AFF3: variants seen among roughly 807,000 people sequenced by gnomAD.
The protein encoded by AFF3 is ALF transcription elongation factor 3.
A neutral mutation model predicts 129.7 loss-of-function variants in AFF3; 32 were observed. That is an observed-to-expected ratio of 0.25 (90% CI 0.19 to 0.33). AFF3 has a LOEUF of 0.33. Among genes scored for constraint, AFF3 ranks in the 10% least tolerant of loss-of-function variants. The probability of loss-of-function intolerance (pLI) is 1.00; values close to 1 mark genes in which losing one functional copy is unlikely to be tolerated. For synonymous variants in AFF3, 644 were observed against 635.4 expected (o/e 1.01, Z -0.20); for missense variants, 1,373 against 1,592.0 (o/e 0.86, Z 2.34).
intron 4 of AFF3, among the ~76,000 whole-genome samples, chr2:100,052,163 T>C (rs6760359): frequency 0.013 from 1,961 of 152,318 alleles, 49 homozygotes; most frequent in African/African-American, 0.045. Context: ...AGTTCATGTA[T>C]GAATTAAATT....
Position 99,593,673 on chromosome 2 carries a change from T to A in AFF3, c.1988A>T (p.Lys663Met). The stretch of plus-strand genomic sequence containing the variant: ...TGACGACTCTGTCTCAATGAACTCC[T>A]TGGATTTGGGGACGATCCTGCTTAG... ...RGLSRIVPKSKEFIETESSSS... is the reference protein window; with the variant it reads ...RGLSRIVPKSMEFIETESSSS... The change falls in exon 15 of 25, where the codon AAG becomes ATG. Residue 663 changes from lysine (K) to methionine (M), a missense_variant. This residue lies in a region of AFF3 where 466 missense variants were observed against 505.0 expected (regional missense o/e 0.92). Transcript: ENST00000672756. The A allele has an allele frequency of 6.2e-7, 1 of 1,605,494 alleles. No individual in the cohort carries two copies. The highest frequency in any genetic ancestry group is 8.5e-7 in the Non-Finnish European group (1 of 1,174,060).
At chr2:99,955,146 G>C (rs1207201053) in intron 7 of AFF3, among the ~76,000 whole-genome samples, 3 of 152,112 alleles carry the variant, frequency 2.0e-5, no homozygotes, top group African/African-American at 4.8e-5. Flanking sequence ...CTGTAGGGAA[G>C]TATAGTGTTT....
At chr2:99,933,880 G>C (rs944135994) in intron 7 of AFF3, among the ~76,000 whole-genome samples, 1 of 152,144 alleles carries the variant, frequency 6.6e-6, no homozygotes, top group East Asian at 1.9e-4. Flanking sequence ...ATGGTGTCCG[G>C]AGGTAGTTAA....
In AFF3 at chr2:99,660,625, C is replaced by T. The variant is rs745457548; in HGVS notation, c.1144-10959G>A. 8.5e-5 allele frequency among the ~76,000 whole-genome samples: 13 copies of T among 152,304 alleles called. No homozygotes were observed. The South Asian group carries it at 1.0e-3, about 12-fold the overall frequency. On this transcript the variant is annotated intron_variant, in intron 12 of 24. Transcript: ENST00000672756. Reference sequence around the variant, plus strand: ...TTTGAAATGCCTTGAACTTTAAGAACAAATCCAGGTTGAAAGAAGAGGTAC... The same window carrying T: ...TTTGAAATGCCTTGAACTTTAAGAATAAATCCAGGTTGAAAGAAGAGGTAC...
intron 10 of AFF3, among the ~76,000 whole-genome samples, chr2:99,734,487 A>G (rs1212016269): frequency 6.6e-6 from 1 of 152,132 alleles, no homozygotes; most frequent in Non-Finnish European, 1.5e-5. Flanking sequence ...TCAACACTAA[A>G]TAGGATTCTT....
intron 8 of AFF3, among the ~76,000 whole-genome samples, chr2:99,811,633 C>T (rs776937148): frequency 1.3e-4 from 20 of 152,306 alleles, no homozygotes; most frequent in East Asian, 1.9e-4. Context: ...ATAAAGTATG[C>T]CCCTTGCAGA....
intron 11 of AFF3, among the ~76,000 whole-genome samples, chr2:99,718,220 A>G (rs1399960845): frequency 6.6e-6 from 1 of 152,180 alleles, no homozygotes; most frequent in Non-Finnish European, 1.5e-5. Flanking sequence ...AGGTCTTTTG[A>G]TCAAGATTGT....
chr2:99,808,619 T>C (rs974870510), intron 8 of AFF3, among the ~76,000 whole-genome samples: 5 of 151,674 alleles, frequency 3.3e-5, no homozygotes, highest in Admixed American at 1.3e-4. Flanking sequence ...GCAGAATCAA[T>C]AACAAGGCTT....
intron 7 of AFF3, among the ~76,000 whole-genome samples, chr2:99,995,110 G>C (rs914869436): frequency 3.3e-5 from 5 of 152,180 alleles, no homozygotes; most frequent in African/African-American, 1.2e-4. Context: ...TGGAGCAGGT[G>C]GGGGAAGTGG....
intron 3 of AFF3, chr2:100,104,764 TC>T: frequency 1.3e-6 from 1 of 781,418 alleles, no homozygotes; most frequent in East Asian, 2.4e-4. Context: ...CCGCCCCTCC[TC>T]CCCTCCCTCG....
chr2:99,633,086 G>A (rs970357179), intron 13 of AFF3, among the ~76,000 whole-genome samples: 6 of 151,868 alleles, frequency 4.0e-5, no homozygotes, highest in African/African-American at 1.5e-4. Flanking sequence ...TGTTTTACAC[G>A]CCTCTTTCCC....
intron 7 of AFF3, among the ~76,000 whole-genome samples, chr2:99,851,737 T>A (rs915581280): frequency 6.6e-6 from 1 of 152,220 alleles, no homozygotes; most frequent in African/African-American, 2.4e-5. Flanking sequence ...TCTAGACACA[T>A]AATTGTAGCA....
At chr2:99,609,017 C>G (rs541107941) in intron 13 of AFF3, among the ~76,000 whole-genome samples, 1 of 152,166 alleles carries the variant, frequency 6.6e-6, no homozygotes, top group South Asian at 2.1e-4. Flanking sequence ...TTTACCCACT[C>G]AGGAATTTAG....
chr2:99,947,555 G>A (rs1402930395), intron 7 of AFF3, among the ~76,000 whole-genome samples: 3 of 136,532 alleles, frequency 2.2e-5, no homozygotes, highest in African/African-American at 3.1e-5. Context: ...GAAAGAAAGA[G>A]AGAGAAAGAG....
chr2:99,984,363 C>T (rs1045111905), intron 7 of AFF3, among the ~76,000 whole-genome samples: 1 of 152,160 alleles, frequency 6.6e-6, no homozygotes, highest in Non-Finnish European at 1.5e-5. Flanking sequence ...AGATCACTTT[C>T]ACTCAGCTTC....
At chr2:100,122,115 G>A (rs1375039345) in intron 2 of AFF3, among the ~76,000 whole-genome samples, 1 of 152,208 alleles carries the variant, frequency 6.6e-6, no homozygotes, top group African/African-American at 2.4e-5. Flanking sequence ...ATGCTATTTT[G>A]CCACAAGTTG....
chr2:100,087,990 C>T (rs1437678076), intron 4 of AFF3, among the ~76,000 whole-genome samples: 2 of 150,998 alleles, frequency 1.3e-5, no homozygotes, highest in African/African-American at 4.9e-5. Context: ...CTTAAAAACA[C>T]TCAACAAACT....
chr2:100,121,771 A>G (rs752520563), intron 2 of AFF3, among the ~76,000 whole-genome samples: 4 of 152,230 alleles, frequency 2.6e-5, no homozygotes, highest in African/African-American at 7.2e-5. Flanking sequence ...CAAATTAATA[A>G]CAAGCATATG....
chr2:99,677,777 C>T (rs972988075), intron 11 of AFF3, among the ~76,000 whole-genome samples: 3 of 152,182 alleles, frequency 2.0e-5, no homozygotes, highest in African/African-American at 4.8e-5. Context: ...TGGAAACATG[C>T]CTCATCACCA....
Sources: gnomAD v4.1 joint callset for allele counts (sites outside exome capture counted in the v4.1 genomes callset) on GRCh38, gnomAD v4.1.1 for gene constraint, gnomAD v4.1.1 regional missense constraint, MANE v1.5 for transcripts, NCBI Gene and HGNC (gene_info 2026-07-23, HGNC 2026-07-21) for gene names.